Variants in LRMDA observed in about 807,000 individuals in gnomAD.
The protein encoded by LRMDA is leucine-rich melanocyte differentiation-associated protein.
Under a neutral mutation model 29.8 loss-of-function variants are expected in LRMDA, and 18 were observed. The observed-to-expected ratio is 0.60, with a 90% CI of 0.42 to 0.90. The LOEUF is 0.90. LRMDA is among the 40% of genes least tolerant of loss of function. The pLI, the probability that LRMDA is intolerant of heterozygous loss-of-function variation, is 0.00. For missense variants in LRMDA, 273 were observed against 273.9 expected (o/e 1.00, Z 0.02); for synonymous variants, 125 against 109.4 (o/e 1.14, Z -0.89).
At chr10:75,624,032 C>A (rs1375613973) in intron 2 of LRMDA, among the ~76,000 whole-genome samples, 1 of 152,084 alleles carries the variant, frequency 6.6e-6, no homozygotes, top group African/African-American at 2.4e-5. Context: ...CAAAATTACT[C>A]CAATAACTTT....
At chr10:75,504,327 C>G (rs1302613384) in intron 2 of LRMDA, among the ~76,000 whole-genome samples, 1 of 152,024 alleles carries the variant, frequency 6.6e-6, no homozygotes, top group Non-Finnish European at 1.5e-5. Flanking sequence ...ATGCATTATG[C>G]TGGGTGCTAG....
intron 2 of LRMDA, among the ~76,000 whole-genome samples, chr10:75,473,487 C>T (rs1199397899): frequency 1.3e-5 from 2 of 152,236 alleles, no homozygotes; most frequent in African/African-American, 4.8e-5. Context: ...GCCTTGCATG[C>T]CAGTCTTGCG....
intron 6 of LRMDA, among the ~76,000 whole-genome samples, chr10:76,496,593 A>T (rs2132340130): frequency 1.3e-5 from 1 of 75,670 alleles, no homozygotes; most frequent in African/African-American, 3.2e-5. Context: ...AAAGTATCAT[A>T]AAACTCTATG....
At chr10:76,446,451 C>A (rs933154812) in intron 6 of LRMDA, among the ~76,000 whole-genome samples, 2 of 152,112 alleles carry the variant, frequency 1.3e-5, no homozygotes, top group Non-Finnish European at 2.9e-5. Context: ...GACTTATTTT[C>A]TTGTCATTAT....
intron 6 of LRMDA, among the ~76,000 whole-genome samples, chr10:76,438,220 T>G (rs1224560585): frequency 6.6e-6 from 1 of 152,164 alleles, no homozygotes; most frequent in Non-Finnish European, 1.5e-5. Context: ...TCACACTGAA[T>G]AGAGCTCCAG....
At chr10:76,169,427 G>A (rs1850796042) in intron 5 of LRMDA, among the ~76,000 whole-genome samples, 1 of 152,124 alleles carries the variant, frequency 6.6e-6, no homozygotes. Context: ...CTCTCGTGTT[G>A]GATCTTCTCT....
chr10:76,276,051 A>ATC (rs144007125), intron 5 of LRMDA, among the ~76,000 whole-genome samples: 1 of 127,530 alleles, frequency 7.8e-6, no homozygotes, highest in African/African-American at 3.7e-5. Context: ...CTATCTATCT[A>ATC]TCTCTTTCTT....
intron 5 of LRMDA, among the ~76,000 whole-genome samples, chr10:76,299,603 CT>C (rs34214231): frequency 3.4e-3 from 341 of 99,524 alleles, no homozygotes; most frequent in African/African-American, 0.01. Context: ...CCCTTCCTTT[CT>C]TTTTTTTTTT....
intron 2 of LRMDA, among the ~76,000 whole-genome samples, chr10:75,588,904 C>CA (rs1840687900): frequency 6.6e-6 from 1 of 152,034 alleles, no homozygotes; most frequent in Non-Finnish European, 1.5e-5. Context: ...TTTTGCATAA[C>CA]AAAAATACCT....
intron 2 of LRMDA, among the ~76,000 whole-genome samples, chr10:75,472,329 A>G (rs114343029): frequency 1.3e-5 from 2 of 152,174 alleles, no homozygotes; most frequent in Non-Finnish European, 2.9e-5. Flanking sequence ...TTATGCGCCC[A>G]TTATGTACCA....
At chr10:75,509,300 CTT>C (rs1355974706) in intron 2 of LRMDA, among the ~76,000 whole-genome samples, 1 of 151,924 alleles carries the variant, frequency 6.6e-6, no homozygotes, top group Non-Finnish European at 1.5e-5. Context: ...GTGTAACACT[CTT>C]AAGCAATTTT....
At chr10:75,666,412 A>G (rs1160802163) in intron 2 of LRMDA, among the ~76,000 whole-genome samples, 1 of 151,936 alleles carries the variant, frequency 6.6e-6, no homozygotes, top group African/African-American at 2.4e-5. Flanking sequence ...ATATAGTTAT[A>G]CAGTATATAA....
chr10:75,490,071 A>T (rs535262386), intron 2 of LRMDA, among the ~76,000 whole-genome samples: 2 of 152,178 alleles, frequency 1.3e-5, no homozygotes, highest in South Asian at 2.1e-4. Flanking sequence ...TTTGTGTCTT[A>T]CAATAATCCT....
chr10:75,913,474 T>C (rs758309648), intron 2 of LRMDA, among the ~76,000 whole-genome samples: 1 of 152,152 alleles, frequency 6.6e-6, no homozygotes, highest in South Asian at 2.1e-4. Flanking sequence ...AAAAAATTCT[T>C]CTGCCTGAAG....
intron 2 of LRMDA, among the ~76,000 whole-genome samples, chr10:75,990,801 A>C (rs1302505452): frequency 6.6e-6 from 1 of 152,138 alleles, no homozygotes; most frequent in Non-Finnish European, 1.5e-5. Context: ...CTGGGACTCG[A>C]ATGAGGGATG....
chr10:75,906,728 C>T (rs1404490661), intron 2 of LRMDA, among the ~76,000 whole-genome samples: 1 of 152,250 alleles, frequency 6.6e-6, no homozygotes, highest in African/African-American at 2.4e-5. Flanking sequence ...GCGCTCATTA[C>T]TGGCTGGCCA....
chr10:75,552,162 AG>A (rs528429693), intron 2 of LRMDA, among the ~76,000 whole-genome samples: 175 of 152,310 alleles, frequency 1.1e-3, no homozygotes, highest in African/African-American at 3.9e-3. Context: ...ATTTCCTTCT[AG>A]TACCAGACTC....
intron 2 of LRMDA, among the ~76,000 whole-genome samples, chr10:75,668,752 G>A (rs1477639060): frequency 6.6e-6 from 1 of 152,152 alleles, no homozygotes; most frequent in Non-Finnish European, 1.5e-5. Flanking sequence ...AATAAAACAG[G>A]TTACCTCAAC....
intron 2 of LRMDA, among the ~76,000 whole-genome samples, chr10:75,683,893 A>G (rs1446616303): frequency 6.6e-6 from 1 of 152,228 alleles, no homozygotes; most frequent in Non-Finnish European, 1.5e-5. Context: ...GCTGCCTCTG[A>G]CTAGGTCTAT....
Sources: allele counts gnomAD v4.1 joint callset (sites outside exome capture counted in the v4.1 genomes callset), GRCh38; gene constraint gnomAD v4.1.1; transcripts MANE v1.5; gene names NCBI Gene and HGNC (gene_info 2026-07-23, HGNC 2026-07-21).